EPHA6: variants seen among roughly 807,000 people sequenced by gnomAD.
EPHA6 encodes EPH receptor A6.
Under a neutral mutation model 112.0 loss-of-function variants are expected in EPHA6, and 50 were observed. The ratio of observed to expected loss-of-function variants is 0.45; its 90% CI spans 0.36 to 0.56. The LOEUF is 0.56. Ranked by LOEUF, EPHA6 falls within the 20% of genes least tolerant of loss-of-function variation. EPHA6 has a pLI of 0.00. For synonymous variants in EPHA6, 529 were observed against 490.7 expected, an observed-to-expected ratio of 1.08 and a Z score of -1.03; for missense variants, 1,280 against 1,417.4, an observed-to-expected ratio of 0.90 and a Z score of 1.56.
intron 2 of EPHA6, among the ~76,000 whole-genome samples, chr3:96,926,503 C>G (rs1219722994): frequency 6.6e-6 from 1 of 152,186 alleles, no homozygotes; most frequent in Non-Finnish European, 1.5e-5. Flanking sequence ...ATGTCCAATT[C>G]CAAAGTCTCA....
intron 5 of EPHA6, among the ~76,000 whole-genome samples, chr3:97,353,496 A>G (rs1018677253): frequency 6.6e-6 from 1 of 151,836 alleles, no homozygotes; most frequent in African/African-American, 2.4e-5. Context: ...TACTTGTCAC[A>G]GGCCTAGAGT....
intron 3 of EPHA6, among the ~76,000 whole-genome samples, chr3:97,074,098 A>G (rs1278141923): frequency 6.6e-6 from 1 of 151,964 alleles, no homozygotes; most frequent in Non-Finnish European, 1.5e-5. Context: ...CCTTTCATAT[A>G]GTTACACACA....
chr3:97,355,876 GTAGC>G (rs1314484931), intron 5 of EPHA6, among the ~76,000 whole-genome samples: 1 of 152,096 alleles, frequency 6.6e-6, no homozygotes, highest in Non-Finnish European at 1.5e-5. Context: ...AAGGGCAGGA[GTAGC>G]TATACGTATA....
At chr3:96,831,182 G>T (rs772645586) in intron 1 of EPHA6, among the ~76,000 whole-genome samples, 46 of 151,558 alleles carry the variant, frequency 3.0e-4, no homozygotes, top group Non-Finnish European at 4.9e-4. Flanking sequence ...TATTTTTGTG[G>T]GTATAAAACC....
intron 14 of EPHA6, among the ~76,000 whole-genome samples, chr3:97,717,559 C>T (rs1022731175): frequency 1.7e-4 from 26 of 152,240 alleles, no homozygotes; most frequent in African/African-American, 6.0e-4. Flanking sequence ...GCCTGCATGC[C>T]TCTGATACCT....
chr3:97,087,279 T>C (rs761192177), intron 3 of EPHA6, among the ~76,000 whole-genome samples: 23 of 152,088 alleles, frequency 1.5e-4, no homozygotes, highest in Non-Finnish European at 2.9e-4. Flanking sequence ...ATGGGGATGT[T>C]GTGTCTAGAC....
rs554179164 is a variant in EPHA6, at chr3:96,904,968, T to C, written c.450+38079T>C. Among the ~76,000 whole-genome samples, 8 of 152,248 alleles carry C rather than the reference T, an allele frequency of 5.3e-5. No homozygotes were observed. In the South Asian group the frequency reaches 1.7e-3, roughly 31 times the overall value. ...TTTATGCTGATACCCATCGTATGCA[T>C]TGAAAAGCAAATATATTCCTGAAAC... is the stretch of plus-strand genomic sequence containing the variant. On this transcript the variant is annotated intron_variant, in intron 2 of 17. Coordinates refer to ENST00000389672, the MANE Select transcript of EPHA6 (RefSeq NM_001080448.3).
chr3:97,233,987 CA>C (rs1366607678), intron 4 of EPHA6, among the ~76,000 whole-genome samples: 12 of 152,202 alleles, frequency 7.9e-5, no homozygotes, highest in Admixed American at 7.2e-4. Context: ...CTCAAAACAA[CA>C]GCAACAAACC....
intron 2 of EPHA6, among the ~76,000 whole-genome samples, chr3:96,890,677 TGTC>T (rs2037901640): frequency 6.6e-6 from 1 of 152,186 alleles, no homozygotes; most frequent in Non-Finnish European, 1.5e-5. Flanking sequence ...CAAAATAAAA[TGTC>T]AATTTTCGAA....
intron 11 of EPHA6, among the ~76,000 whole-genome samples, chr3:97,550,498 T>A (rs891211279): frequency 6.6e-6 from 1 of 152,190 alleles, no homozygotes; most frequent in Non-Finnish European, 1.5e-5. Context: ...AACTAATGAA[T>A]CAAGGAGTTA....
chr3:97,692,403 G>A (rs1187259596), intron 14 of EPHA6, among the ~76,000 whole-genome samples: 1 of 152,090 alleles, frequency 6.6e-6, no homozygotes, highest in African/African-American at 2.4e-5. Context: ...TTTTAAAGAC[G>A]ATCCTTGGAG....
chr3:97,708,637 AT>A (rs1213081035), intron 14 of EPHA6, among the ~76,000 whole-genome samples: 2 of 152,228 alleles, frequency 1.3e-5, no homozygotes, highest in Non-Finnish European at 2.9e-5. Context: ...AATGGGGAAA[AT>A]GTCTCCAGGG....
At chr3:96,883,834 A>T (rs2107518725) in intron 2 of EPHA6, among the ~76,000 whole-genome samples, 1 of 151,856 alleles carries the variant, frequency 6.6e-6, no homozygotes, top group African/African-American at 2.4e-5. Context: ...CACCTGGCTA[A>T]TTTTTTTGTA....
intron 5 of EPHA6, among the ~76,000 whole-genome samples, chr3:97,320,823 T>A (rs1357573): frequency 0.33 from 25,207 of 75,382 alleles, 2,952 homozygotes; most frequent in African/African-American, 0.48. Flanking sequence ...GGGCAAAAAA[T>A]AAAAAAAATA....
At chr3:96,860,967 G>C (rs2035973026) in intron 1 of EPHA6, among the ~76,000 whole-genome samples, 1 of 148,022 alleles carries the variant, frequency 6.8e-6, no homozygotes, top group Admixed American at 6.6e-5. Context: ...AACTTTTGAG[G>C]TAACTCATTA....
At position 97,760,388 on chromosome 3, in the gene EPHA6, A is replaced by ATGTATGTG. The variant is rs1027177455; in HGVS notation, c.*11701_*11708dup. 3.1e-5 allele frequency: 5 copies of ATGTATGTG among 161,806 alleles called. No individual in the cohort carries two copies. Among genetic ancestry groups the ATGTATGTG allele is most frequent in the Non-Finnish European group, 6.7e-5 (5 of 74,858 alleles). 10.0% of individuals were successfully genotyped at this position (161,806 alleles called of 1,614,324 possible). A position where few individuals can be genotyped will look rare whatever the true frequency, so the allele number is the denominator to read the frequency against. On this transcript the variant is annotated 3_prime_UTR_variant, in exon 18 of 18. Coordinates refer to ENST00000389672, the MANE Select transcript of EPHA6 (RefSeq NM_001080448.3). ...ATATATACCATATGTATATATACAT[A>ATGTATGTG]TGTATGTGTGTATGTGTGTATATAT... is the stretch of plus-strand genomic sequence containing the variant.
intron 3 of EPHA6, among the ~76,000 whole-genome samples, chr3:97,026,251 C>T (rs952219637): frequency 3.3e-5 from 5 of 151,476 alleles, no homozygotes; most frequent in African/African-American, 1.2e-4. Context: ...CATGGCCAAT[C>T]GGGCTCTTTT....
At chr3:97,093,549 C>CA (rs59531471) in intron 3 of EPHA6, among the ~76,000 whole-genome samples, 1,485 of 147,880 alleles carry the variant, frequency 0.01, 29 homozygotes, top group African/African-American at 0.034. Context: ...GACTCCGTCT[C>CA]AAAAAAAAAT....
chr3:97,137,936 G>A (rs940113658), intron 3 of EPHA6, among the ~76,000 whole-genome samples: 7 of 152,104 alleles, frequency 4.6e-5, no homozygotes, highest in South Asian at 2.1e-4. Context: ...CAGCTATGAC[G>A]TCCCTCTTCC....
Sources: allele counts gnomAD v4.1 joint callset (sites outside exome capture counted in the v4.1 genomes callset), GRCh38; gene constraint gnomAD v4.1.1; transcripts MANE v1.5; gene names NCBI Gene and HGNC (gene_info 2026-07-23, HGNC 2026-07-21).